SYNE1: variants seen among roughly 807,000 people sequenced by gnomAD.
SYNE1 encodes the protein nesprin-1.
A neutral mutation model predicts 1,111.0 loss-of-function variants in SYNE1; 616 were observed. The ratio of observed to expected loss-of-function variants is 0.55; its 90% CI spans 0.52 to 0.59. SYNE1 has a LOEUF of 0.59. SYNE1 is among the 20% of genes least tolerant of loss of function. The probability of loss-of-function intolerance (pLI) is 0.00; values close to 1 mark genes in which losing one functional copy is unlikely to be tolerated. For synonymous variants in SYNE1, 3,855 were observed against 3,825.8 expected (o/e 1.01, Z -0.28); for missense variants, 10,006 against 10,417.0 (o/e 0.96, Z 1.72).
chr6:152,490,793 C>T (rs112045570), intron 11 of SYNE1, among the ~76,000 whole-genome samples: 13 of 152,196 alleles, frequency 8.5e-5, no homozygotes, highest in African/African-American at 2.9e-4. Context: ...GAGACCAGTC[C>T]CCTGTCCTCA....
chr6:152,376,693 A>G lies in SYNE1; in HGVS notation c.9146+83T>C, dbSNP rs557781175. 5.7e-5 allele frequency: 90 copies of G among 1,585,422 alleles called. 1 individual carries two copies. The South Asian group carries it at 9.3e-4, about 16-fold the overall frequency. On this transcript the variant is annotated intron_variant, in intron 57 of 145. Transcript: ENST00000367255. ...ATATATTTAATGCTGAACTAATATT[A>G]TTTTGAAATTACACCTTAAAATAAA...
At chr6:152,558,904 A>G (rs2099384514) in intron 3 of SYNE1, among the ~76,000 whole-genome samples, 1 of 152,132 alleles carries the variant, frequency 6.6e-6, no homozygotes, top group Admixed American at 6.6e-5. Flanking sequence ...TTTCAAGTGC[A>G]CACAGACAAT....
rs776573472 is a variant in SYNE1 at position 152,451,070 on chromosome 6, C to G, written c.3163G>C (p.Glu1055Gln). ...ACCCTGTGCTCTTTAATTATCTTTT[C>G]ACTGCCTTCCTGGGGCATCAGCTTG... ...ETKLMPQEGSEKIIKEHRVFF... is the reference protein window; with the variant it reads ...ETKLMPQEGSQKIIKEHRVFF... Residue 1055 changes from glutamate (E) to glutamine (Q), a missense_variant, in exon 26 of 146, where the codon GAA becomes CAA. By Grantham distance (29) the Glu-to-Gln change is conservative. Around this residue, in one of 7 missense-constraint regions of SYNE1, gnomAD observed 1,971 missense variants for 2,084.1 expected, o/e 0.95. Coordinates refer to ENST00000367255, the MANE Select transcript of SYNE1 (RefSeq NM_182961.4). 2 of 1,614,162 alleles carry G rather than the reference C, an allele frequency of 1.2e-6. No homozygotes were observed. Among genetic ancestry groups the G allele is most frequent in the Non-Finnish European group, 1.7e-6 (2 of 1,180,036 alleles).
At chr6:152,128,827 T>C (rs2054417415) in intron 145 of SYNE1, 1 of 152,218 alleles carries the variant, frequency 6.6e-6, no homozygotes, top group African/African-American at 2.4e-5. Context: ...GTGAAGTTCA[T>C]TCTTCCCCAG....
intron 16 of SYNE1, among the ~76,000 whole-genome samples, chr6:152,470,578 AT>A (rs984004371): frequency 6.6e-6 from 1 of 152,104 alleles, no homozygotes; most frequent in Non-Finnish European, 1.5e-5. Flanking sequence ...CAGTTAAATC[AT>A]TTTTTTCTCA....
Position 152,455,980 on chromosome 6 carries a change from C to G in SYNE1, c.2633G>C (p.Ser878Thr). The G allele has an allele frequency of 6.2e-7, 1 of 1,614,118 alleles. No individual in the cohort carries two copies. The stretch of plus-strand genomic sequence containing the variant: ...GCTCAAGGTCACAAACTTTTGAACA[C>G]TTTGACTGCCTTTCTCAATAAGTGT... ...TLTLIEKGSQ[S>T]VQKFVTLSNV... Residue 878 changes from serine (S) to threonine (T), a missense_variant, in exon 23 of 146, where the codon AGT (serine) becomes ACT (threonine). Transcript: ENST00000367255.
At position 152,385,883 on chromosome 6, in the gene SYNE1, A is replaced by G. The variant is rs770815866; in HGVS notation, c.8488-45T>C. The G allele has an allele frequency of 4.4e-6, 7 of 1,599,604 alleles. No individual in the cohort carries two copies. In the South Asian group the frequency reaches 7.7e-5, roughly 18 times the overall value. On this transcript the variant is annotated intron_variant, in intron 54 of 145. Transcript: ENST00000367255. ...CTACCTTAACAGTGGTCCTTTTGAG[A>G]ACATGAACTCAGGTAAGACAACAGG...
chr6:152,251,762 A>G (rs568735662), intron 104 of SYNE1, among the ~76,000 whole-genome samples: 2 of 152,180 alleles, frequency 1.3e-5, no homozygotes, highest in South Asian at 4.1e-4. Flanking sequence ...CCGTCTCAAA[A>G]AAAATAAAAA....
At chr6:152,526,251 GTTAC>G (rs2099163174) in intron 4 of SYNE1, 76 bp from the exon 5 acceptor site, 2 of 1,432,278 alleles carry the variant, frequency 1.4e-6, no homozygotes, top group Non-Finnish European at 2.0e-6. Context: ...TCTCACCTTT[GTTAC>G]TTATGGTGGT....
chr6:152,572,241 C>T (rs918962416), intron 3 of SYNE1, among the ~76,000 whole-genome samples: 8 of 152,108 alleles, frequency 5.3e-5, no homozygotes, highest in African/African-American at 7.2e-5. Flanking sequence ...TACCATCTTA[C>T]GTAAATTCAA....
intron 102 of SYNE1, among the ~76,000 whole-genome samples, 197 bp from the exon 103 acceptor site, chr6:152,255,943 A>C (rs184716630): frequency 1.3e-5 from 2 of 152,340 alleles, no homozygotes; most frequent in Non-Finnish European, 2.9e-5. Context: ...ACTAAAAAAT[A>C]CAAAAATTTG....
intron 3 of SYNE1, among the ~76,000 whole-genome samples, chr6:152,548,626 T>C (rs2099326335): frequency 6.6e-6 from 1 of 152,176 alleles, no homozygotes; most frequent in South Asian, 2.1e-4. Context: ...GACTTAGAGC[T>C]TGATGCCAAA....
In SYNE1 at chr6:152,426,889, CAG is replaced by C. The variant is rs376383096; in HGVS notation, c.5100+802_5100+803del. 2.1e-3 allele frequency among the ~76,000 whole-genome samples: 318 copies of C among 152,340 alleles called. 1 individual carries two copies. The highest frequency in any genetic ancestry group is 7.3e-3 in the South Asian group (35 of 4,826). On this transcript the variant is annotated intron_variant, in intron 38 of 145. Coordinates refer to ENST00000367255, the MANE Select transcript of SYNE1 (RefSeq NM_182961.4). ...ATTCCGATGCTATAGACACTGGTGA[CAG>C]AGTTTTCAGAGAAGCGATTACAAAA...
chr6:152,304,644 G>T (rs996178758), intron 91 of SYNE1, among the ~76,000 whole-genome samples: 1 of 152,152 alleles, frequency 6.6e-6, no homozygotes, highest in Non-Finnish European at 1.5e-5. Context: ...TCTTTATGAA[G>T]TAGACAGAGT....
chr6:152,301,894 G>A lies in SYNE1; in HGVS notation c.17516C>T (p.Pro5839Leu). ...EDLDGELLPT[P>L]SAHPSVVMMT... Reference sequence around the variant, plus strand: ...CATGACCACAGAGGGGTGGGCCGAAGGCGTGGGGAGGAGCTCCCCATCCAG... The same window carrying A: ...CATGACCACAGAGGGGTGGGCCGAAAGCGTGGGGAGGAGCTCCCCATCCAG... The change falls in exon 92 of 146, where the codon CCT (proline) becomes CTT (leucine). Residue 5839 changes from proline to leucine, a missense_variant. Physicochemically the swap from Pro to Leu is moderately conservative, Grantham distance 98. This residue lies in a region of SYNE1 where 4,955 missense variants were observed against 5,017.2 expected (regional missense o/e 0.99). Transcript: ENST00000367255. 1 of 1,613,754 alleles carries A rather than the reference G, an allele frequency of 6.2e-7. No homozygotes were observed. The highest frequency in any genetic ancestry group is 8.5e-7 in the Non-Finnish European group (1 of 1,179,736).
chr6:152,457,271 G>A lies in SYNE1; in HGVS notation c.2569-1227C>T, dbSNP rs567218374. The stretch of plus-strand genomic sequence containing the variant: ...ATAAGCTTTACACTCAGGTATTGTA[G>A]CCTTCATCTTAAAGTGAGGAAGTTA... On this transcript the variant is annotated intron_variant, in intron 22 of 145. Coordinates refer to ENST00000367255, the MANE Select transcript of SYNE1 (RefSeq NM_182961.4). Among the ~76,000 whole-genome samples the A allele has an allele frequency of 4.6e-5, 7 of 152,190 alleles. No homozygotes were observed. The South Asian group carries it at 1.5e-3, about 32-fold the overall frequency.
intron 4 of SYNE1, among the ~76,000 whole-genome samples, chr6:152,536,389 T>TATATAG (rs1564709644): frequency 1.2e-5 from 1 of 84,942 alleles, no homozygotes; most frequent in African/African-American, 3.3e-5. Context: ...TATATATATA[T>TATATAG]TTATATATAT....
chr6:152,396,690 T>A, intron 50 of SYNE1, 85 bp downstream of exon 50: 1 of 1,242,674 alleles, frequency 8.0e-7, no homozygotes, highest in Non-Finnish European at 1.2e-6. Flanking sequence ...CAAACGTTAT[T>A]TATTTATTCA....
At chr6:152,297,998 G>T (rs2094973217) in intron 93 of SYNE1, among the ~76,000 whole-genome samples, 1 of 152,142 alleles carries the variant, frequency 6.6e-6, no homozygotes, top group African/African-American at 2.4e-5. Flanking sequence ...GTCAATACTT[G>T]ATGTAGTGAG....
Sources: allele counts gnomAD v4.1 joint callset (sites outside exome capture counted in the v4.1 genomes callset), GRCh38; gene constraint gnomAD v4.1.1; regional missense constraint gnomAD v4.1.1; transcripts MANE v1.5; gene names NCBI Gene and HGNC (gene_info 2026-07-23, HGNC 2026-07-21).